Variants in PTPRD observed in about 807,000 individuals in gnomAD.
PTPRD encodes the protein receptor-type tyrosine-protein phosphatase delta.
In PTPRD, 34 loss-of-function variants were observed where a neutral mutation model predicts 214.5. The ratio of observed to expected loss-of-function variants is 0.16; its 90% CI spans 0.12 to 0.21. The LOEUF is 0.21. Ranked by LOEUF, PTPRD falls within the 10% of genes least tolerant of loss-of-function variation. PTPRD has a pLI of 1.00. For missense variants in PTPRD, 2,545 were observed against 2,398.7 expected (o/e 1.06, Z -1.27); for synonymous variants, 1,128 against 845.7 (o/e 1.33, Z -5.79).
intron 10 of PTPRD, among the ~76,000 whole-genome samples, chr9:9,156,504 TA>T (rs1333198648): frequency 5.3e-5 from 8 of 151,818 alleles, no homozygotes; most frequent in African/African-American, 1.9e-4. Context: ...AACTTAAAAA[TA>T]AATTTATTTT....
intron 5 of PTPRD, among the ~76,000 whole-genome samples, chr9:9,783,242 C>T (rs2098875143): frequency 6.6e-6 from 1 of 152,084 alleles, no homozygotes; most frequent in Non-Finnish European, 1.5e-5. Context: ...AGGAGATGTG[C>T]ATTTGTATAT....
intron 11 of PTPRD, among the ~76,000 whole-genome samples, chr9:8,929,755 A>ATATATGTGTATATATATGTG (rs1285445116): frequency 3.4e-5 from 2 of 58,080 alleles, no homozygotes; most frequent in African/African-American, 1.3e-4. Context: ...GTATATATAT[A>ATATATGTGTATATATATGTG]TGTATATATA....
chr9:10,464,511 G>T (rs890416190), intron 2 of PTPRD, among the ~76,000 whole-genome samples: 7 of 136,430 alleles, frequency 5.1e-5, no homozygotes, highest in African/African-American at 1.8e-4. Flanking sequence ...AGATGAAGAT[G>T]AAGAGAACGA....
intron 2 of PTPRD, among the ~76,000 whole-genome samples, chr9:10,562,573 T>G (rs1457225935): frequency 6.6e-6 from 1 of 152,160 alleles, no homozygotes; most frequent in East Asian, 1.9e-4. Flanking sequence ...TTTATTATAT[T>G]GATATCACAT....
intron 3 of PTPRD, among the ~76,000 whole-genome samples, chr9:10,249,306 T>C (rs2092550882): frequency 6.6e-6 from 1 of 152,152 alleles, no homozygotes; most frequent in South Asian, 2.1e-4. Flanking sequence ...ATGCTCTCCA[T>C]AACATAAAAA....
At position 8,801,640 on chromosome 9, in the gene PTPRD, C is replaced by T. The variant is rs561296694; in HGVS notation, c.-103-67694G>A. Among the ~76,000 whole-genome samples, 4 of 152,260 alleles carry T rather than the reference C, an allele frequency of 2.6e-5. No individual in the cohort carries two copies. In the South Asian group the frequency reaches 6.2e-4, roughly 24 times the overall value. On this transcript the variant is annotated intron_variant, in intron 11 of 45. Coordinates refer to ENST00000381196, the MANE Select transcript of PTPRD (RefSeq NM_002839.4). ...CTGAGTCAGGAGAATCACTTGAGCC[C>T]GGGAAGCAGAGGTTGCAGTGGGCAG...
intron 3 of PTPRD, among the ~76,000 whole-genome samples, chr9:10,098,114 C>A (rs971115907): frequency 6.6e-6 from 1 of 151,678 alleles, no homozygotes; most frequent in African/African-American, 2.4e-5. Flanking sequence ...CAATGATAGA[C>A]TGGATTAAGA....
At chr9:10,587,959 A>T (rs574608513) in intron 2 of PTPRD, among the ~76,000 whole-genome samples, 1 of 152,248 alleles carries the variant, frequency 6.6e-6, no homozygotes, top group African/African-American at 2.4e-5. Flanking sequence ...CTAGTTTACT[A>T]GATGAAAATA....
At chr9:10,255,012 T>A (rs139940898) in intron 3 of PTPRD, among the ~76,000 whole-genome samples, 12 of 152,216 alleles carry the variant, frequency 7.9e-5, no homozygotes, top group Non-Finnish European at 1.5e-4. Flanking sequence ...CTTCAATATA[T>A]GTTTAGAAAA....
intron 3 of PTPRD, among the ~76,000 whole-genome samples, chr9:10,271,582 G>A (rs10958991): frequency 0.29 from 39,695 of 136,526 alleles, 6,613 homozygotes; most frequent in African/African-American, 0.47. Context: ...TTGCTCTGTC[G>A]CCCAGACCAG....
At chr9:10,263,449 C>A (rs1564867561) in intron 3 of PTPRD, among the ~76,000 whole-genome samples, 1 of 152,032 alleles carries the variant, frequency 6.6e-6, no homozygotes, top group African/African-American at 2.4e-5. Flanking sequence ...GAGGTCCAGG[C>A]TAAGGTGGTC....
At position 9,124,011 on chromosome 9, in the gene PTPRD, T is replaced by A. The variant is rs554858592; in HGVS notation, c.-143+59293A>T. ...TAGGCATATTGTCTAAAAGGTGGGGTGGGGGAGGGAGGTTAAGTAGTTTTG... is the reference window on the plus strand; with the variant it reads ...TAGGCATATTGTCTAAAAGGTGGGGAGGGGGAGGGAGGTTAAGTAGTTTTG... On this transcript the variant is annotated intron_variant, in intron 10 of 45. Transcript: ENST00000381196. Among the ~76,000 whole-genome samples, 3 of 131,956 alleles carry A rather than the reference T, an allele frequency of 2.3e-5. No individual in the cohort carries two copies. The South Asian group carries it at 7.0e-4, about 31-fold the overall frequency. 86.6% of individuals were successfully genotyped at this position (131,956 alleles called of 152,430 possible).
intron 11 of PTPRD, among the ~76,000 whole-genome samples, chr9:8,856,005 T>C (rs556882311): frequency 1.3e-5 from 2 of 152,292 alleles, no homozygotes; most frequent in East Asian, 1.9e-4. Flanking sequence ...GTACAGTACA[T>C]AATTATGGAA....
At chr9:9,014,554 T>G (rs1038571392) in intron 11 of PTPRD, among the ~76,000 whole-genome samples, 1 of 152,134 alleles carries the variant, frequency 6.6e-6, no homozygotes, top group Non-Finnish European at 1.5e-5. Flanking sequence ...AGAGATTCCT[T>G]GCCAGGAATA....
Position 9,419,128 on chromosome 9 carries a change from TACACACACACAC to T in PTPRD, c.-236-21658_-236-21647del, listed in dbSNP as rs142908778. On this transcript the variant is annotated intron_variant, in intron 8 of 45. Coordinates refer to ENST00000381196, the MANE Select transcript of PTPRD (RefSeq NM_002839.4). The stretch of plus-strand genomic sequence containing the variant: ...ATGAATTCTAAAGATAGGCCCCTTA[TACACACACACAC>T]ACACACACACACACACACACACACA... 6.4e-5 allele frequency among the ~76,000 whole-genome samples: 9 copies of T among 139,982 alleles called. 1 individual carries two copies. The highest frequency in any genetic ancestry group is 6.4e-4 in the East Asian group (3 of 4,710). The allele number at this position is 139,982 out of a possible 152,430, so 91.8% of individuals were successfully genotyped here.
At chr9:10,106,805 C>G (rs1005283071) in intron 3 of PTPRD, among the ~76,000 whole-genome samples, 2 of 151,852 alleles carry the variant, frequency 1.3e-5, no homozygotes, top group Admixed American at 6.6e-5. Context: ...AATTTAAGGT[C>G]AGCTTAAATA....
chr9:10,435,816 A>T (rs2098713390), intron 2 of PTPRD, among the ~76,000 whole-genome samples: 1 of 151,842 alleles, frequency 6.6e-6, no homozygotes, highest in African/African-American at 2.4e-5. Flanking sequence ...GAGTTATAAA[A>T]ATCAGTCTAC....
At chr9:8,718,775 C>T (rs2098462765) in intron 12 of PTPRD, among the ~76,000 whole-genome samples, 2 of 152,206 alleles carry the variant, frequency 1.3e-5, no homozygotes, top group African/African-American at 2.4e-5. Flanking sequence ...CTTAAATTTT[C>T]CCACGTGAGC....
intron 7 of PTPRD, among the ~76,000 whole-genome samples, chr9:9,601,549 T>A (rs1468496648): frequency 6.6e-6 from 1 of 152,100 alleles, no homozygotes; most frequent in Admixed American, 6.6e-5. Context: ...TTTGGAAGAA[T>A]GGAGTTAGAG....
Sources: allele counts gnomAD v4.1 joint callset (sites outside exome capture counted in the v4.1 genomes callset), GRCh38; gene constraint gnomAD v4.1.1; transcripts MANE v1.5; gene names NCBI Gene and HGNC (gene_info 2026-07-23, HGNC 2026-07-21).